The following NCAM1 variants were observed in gnomAD, a reference collection of about 807,000 sequenced individuals.
NCAM1 encodes the protein neural cell adhesion molecule 1.
Under a neutral mutation model 109.8 loss-of-function variants are expected in NCAM1, and 14 were observed. That is an observed-to-expected ratio of 0.13 (90% CI 0.08 to 0.20). The LOEUF (loss-of-function observed/expected upper bound fraction) is 0.20. Among genes scored for constraint, NCAM1 ranks in the 10% least tolerant of loss-of-function variants. The pLI is 1.00. For synonymous variants in NCAM1, 418 were observed against 442.9 expected (o/e 0.94, Z 0.70); for missense variants, 774 against 1,109.9 (o/e 0.70, Z 4.30).
intron 1 of NCAM1, among the ~76,000 whole-genome samples, chr11:112,992,527 A>T (rs1453165708): frequency 1.4e-5 from 2 of 138,694 alleles, no homozygotes; most frequent in African/African-American, 5.4e-5. Flanking sequence ...TTTGAGACGG[A>T]GTCTCACTCT....
At chr11:113,003,288 G>A (rs1481523240) in intron 1 of NCAM1, among the ~76,000 whole-genome samples, 1 of 152,220 alleles carries the variant, frequency 6.6e-6, no homozygotes, top group Non-Finnish European at 1.5e-5. Flanking sequence ...ATGGTCATAT[G>A]TGTCATTTTA....
chr11:113,090,242 T>C (rs894980244), intron 1 of NCAM1, among the ~76,000 whole-genome samples: 14 of 152,316 alleles, frequency 9.2e-5, no homozygotes, highest in African/African-American at 3.4e-4. Flanking sequence ...TGGTTGTTTG[T>C]TTCAGGTAAC....
At chr11:113,114,694 A>G (rs530050133) in intron 1 of NCAM1, among the ~76,000 whole-genome samples, 1 of 152,324 alleles carries the variant, frequency 6.6e-6, no homozygotes, top group South Asian at 2.1e-4. Context: ...CACTCACTGC[A>G]GTGAAGCAAA....
At chr11:113,118,266 T>G (rs145427751) in intron 1 of NCAM1, among the ~76,000 whole-genome samples, 1 of 152,118 alleles carries the variant, frequency 6.6e-6, no homozygotes, top group East Asian at 1.9e-4. Flanking sequence ...GTTCTTCAGC[T>G]GTGTCTGTCT....
intron 1 of NCAM1, among the ~76,000 whole-genome samples, chr11:113,088,556 T>G (rs926018188): frequency 2.7e-5 from 4 of 147,406 alleles, no homozygotes; most frequent in Non-Finnish European, 6.0e-5. Flanking sequence ...TCACTGATCA[T>G]TGGGTAAAAC....
intron 15 of NCAM1, among the ~76,000 whole-genome samples, chr11:113,251,369 A>G (rs191669788): frequency 6.6e-5 from 10 of 152,212 alleles, no homozygotes; most frequent in African/African-American, 1.9e-4. Flanking sequence ...ACAGTAGCAG[A>G]GTAATTACAA....
rs182064213 is a variant in NCAM1 at position 113,018,748 on chromosome 11, G to A, written c.52+57084G>A. Reference sequence around the variant, plus strand: ...TGTGCTTGGTTTTTAATTTTTTTAAGTCATTTAAAACAGACATAGTCTTAA... The same window carrying A: ...TGTGCTTGGTTTTTAATTTTTTTAAATCATTTAAAACAGACATAGTCTTAA... On this transcript the variant is annotated intron_variant, in intron 1 of 19. Transcript: ENST00000316851. 3.4e-3 allele frequency among the ~76,000 whole-genome samples: 510 copies of A among 152,134 alleles called. 5 individuals carry two copies. Among genetic ancestry groups the A allele is most frequent in the African/African-American group, 0.012 (502 of 41,490 alleles).
chr11:113,156,447 T>C (rs1942411379), intron 1 of NCAM1, among the ~76,000 whole-genome samples: 1 of 152,102 alleles, frequency 6.6e-6, no homozygotes, highest in Non-Finnish European at 1.5e-5. Context: ...AATGACACAC[T>C]AGAGCAGAGG....
At chr11:113,194,904 G>A (rs1943808286) in intron 1 of NCAM1, among the ~76,000 whole-genome samples, 2 of 152,206 alleles carry the variant, frequency 1.3e-5, no homozygotes, top group South Asian at 4.1e-4. Context: ...AGATGTTTAG[G>A]TTTAAATAGG....
At chr11:113,197,161 G>T (rs1167844410) in intron 1 of NCAM1, 2 of 225,458 alleles carry the variant, frequency 8.9e-6, no homozygotes, top group Admixed American at 8.3e-5. Context: ...CCTCCCACCA[G>T]GTCCCGTGCT....
At chr11:112,969,388 G>A (rs1950816397) in intron 1 of NCAM1, among the ~76,000 whole-genome samples, 1 of 152,160 alleles carries the variant, frequency 6.6e-6, no homozygotes, top group African/African-American at 2.4e-5. Flanking sequence ...CCTTTTCTAA[G>A]GCAAGGATAA....
At chr11:113,267,381 G>A (rs78092528) in intron 17 of NCAM1, among the ~76,000 whole-genome samples, 5,830 of 151,922 alleles carry the variant, frequency 0.038, 218 homozygotes, top group Admixed American at 0.057. Flanking sequence ...GTAGTTAGAA[G>A]AGAATAAAAC....
chr11:113,016,690 C>T (rs1401011691), intron 1 of NCAM1, among the ~76,000 whole-genome samples: 1 of 152,128 alleles, frequency 6.6e-6, no homozygotes, highest in Non-Finnish European at 1.5e-5. Flanking sequence ...TACCAGGTCA[C>T]ACACAGTGCT....
At chr11:113,035,324 G>A (rs1447857990) in intron 1 of NCAM1, among the ~76,000 whole-genome samples, 1 of 152,128 alleles carries the variant, frequency 6.6e-6, no homozygotes, top group African/African-American at 2.4e-5. Context: ...CTCACCTTGA[G>A]ATGAGACAAT....
intron 1 of NCAM1, among the ~76,000 whole-genome samples, chr11:113,163,303 A>C (rs1470316937): frequency 1.3e-5 from 2 of 152,174 alleles, no homozygotes; most frequent in Admixed American, 6.5e-5. Flanking sequence ...TGGAAAAAAA[A>C]CCACCCATGC....
intron 7 of NCAM1, among the ~76,000 whole-genome samples, chr11:113,210,037 C>T (rs1405470889): frequency 6.6e-6 from 1 of 152,132 alleles, no homozygotes; most frequent in Admixed American, 6.5e-5. Context: ...GATAGATCCC[C>T]AGCACCCACA....
At chr11:113,170,410 C>T (rs568033584) in intron 1 of NCAM1, among the ~76,000 whole-genome samples, 1 of 152,224 alleles carries the variant, frequency 6.6e-6, no homozygotes, top group South Asian at 2.1e-4. Context: ...TCTGTAAAGG[C>T]AGTGTGCGGT....
intron 1 of NCAM1, among the ~76,000 whole-genome samples, chr11:113,168,680 A>G (rs1450313347): frequency 3.3e-5 from 5 of 152,238 alleles, no homozygotes; most frequent in African/African-American, 1.2e-4. Context: ...TGTACACAGT[A>G]GGAAGAAATT....
At chr11:113,217,326 C>T (rs782631748) in intron 8 of NCAM1, among the ~76,000 whole-genome samples, 2 of 152,312 alleles carry the variant, frequency 1.3e-5, no homozygotes, top group East Asian at 1.9e-4. Flanking sequence ...TCCTCCTAGC[C>T]TCTGCCACTC....
Sources: gnomAD v4.1 joint callset for allele counts (sites outside exome capture counted in the v4.1 genomes callset) on GRCh38, gnomAD v4.1.1 for gene constraint, MANE v1.5 for transcripts, NCBI Gene and HGNC (gene_info 2026-07-23, HGNC 2026-07-21) for gene names.